NPNT: variants seen among roughly 807,000 people sequenced by gnomAD.
The protein encoded by NPNT is preosteoblast EGF-like repeat protein with MAM domain.
Under a neutral mutation model 68.6 loss-of-function variants are expected in NPNT, and 45 were observed. That is an observed-to-expected ratio of 0.66 (90% CI 0.52 to 0.84). The LOEUF is 0.84. Ranked by LOEUF, NPNT falls within the 40% of genes least tolerant of loss-of-function variation. The pLI is 0.00. For synonymous variants in NPNT, 233 were observed against 253.3 expected, an observed-to-expected ratio of 0.92 and a Z score of 0.76; for missense variants, 672 against 714.8, an observed-to-expected ratio of 0.94 and a Z score of 0.68.
At chr4:105,959,523 C>CTTT (rs1014448942) in intron 10 of NPNT, among the ~76,000 whole-genome samples, 1 of 129,620 alleles carries the variant, frequency 7.7e-6, no homozygotes, top group African/African-American at 2.8e-5. Flanking sequence ...TTTTTCTTTT[C>CTTT]TTTTTTTTTT....
chr4:105,918,629 A>G (rs997030613), intron 2 of NPNT, among the ~76,000 whole-genome samples: 1 of 152,072 alleles, frequency 6.6e-6, no homozygotes, highest in Non-Finnish European at 1.5e-5. Flanking sequence ...TGTCCTTAAC[A>G]TGCATCTGTT....
intron 5 of NPNT, among the ~76,000 whole-genome samples, chr4:105,939,556 G>A (rs1240108219): frequency 6.6e-5 from 10 of 152,190 alleles, no homozygotes; most frequent in African/African-American, 2.4e-4. Context: ...TGATTTGATT[G>A]TATGTTTTAA....
chr4:105,908,586 C>T (rs113235869), intron 2 of NPNT, among the ~76,000 whole-genome samples: 5,076 of 149,880 alleles, frequency 0.034, 246 homozygotes, highest in African/African-American at 0.11. Context: ...TTTTTTGAGA[C>T]GGAGTCTTCC....
At chr4:105,957,787 C>T (rs1731357564) in intron 8 of NPNT, among the ~76,000 whole-genome samples, 1 of 152,080 alleles carries the variant, frequency 6.6e-6, no homozygotes, top group Admixed American at 6.5e-5. Context: ...TTATGCTGGG[C>T]CTTGAAGGAA....
intron 1 of NPNT, 51 bp downstream of exon 1, chr4:105,895,774 C>G (rs1342116404): frequency 6.9e-7 from 1 of 1,455,564 alleles, no homozygotes; most frequent in South Asian, 1.2e-5. Context: ...TAATTTCACA[C>G]TCACTGTCTT....
chr4:105,896,696 G>A (rs896433709), intron 1 of NPNT, among the ~76,000 whole-genome samples: 5 of 152,154 alleles, frequency 3.3e-5, no homozygotes, highest in Admixed American at 6.5e-5. Context: ...ATCTTGGAAC[G>A]AATCAATTCC....
chr4:105,955,742 T>C (rs72617746), intron 8 of NPNT, among the ~76,000 whole-genome samples: 15,067 of 152,112 alleles, frequency 0.099, 854 homozygotes, highest in Non-Finnish European at 0.13. Flanking sequence ...AACATAATAC[T>C]GCTTGAATGA....
At chr4:105,928,617 A>G (rs1173623199) in intron 3 of NPNT, among the ~76,000 whole-genome samples, 2 of 150,872 alleles carry the variant, frequency 1.3e-5, no homozygotes, top group Admixed American at 6.6e-5. Flanking sequence ...CTGTCTCAAA[A>G]AAAAAAAAAA....
At chr4:105,927,071 C>A in intron 2 of NPNT, 1 of 230,724 alleles carries the variant, frequency 4.3e-6, no homozygotes, top group Non-Finnish European at 8.5e-6. Flanking sequence ...ATAGTTTTAC[C>A]TAGTTTTATT....
At chr4:105,945,988 T>A (rs560515798) in intron 8 of NPNT, among the ~76,000 whole-genome samples, 1 of 152,352 alleles carries the variant, frequency 6.6e-6, no homozygotes, top group Non-Finnish European at 1.5e-5. Flanking sequence ...AAAGTAGTTA[T>A]CTCTAGAAAG....
chr4:105,949,058 A>T (rs1046560691), intron 8 of NPNT, among the ~76,000 whole-genome samples: 1 of 152,140 alleles, frequency 6.6e-6, no homozygotes, highest in African/African-American at 2.4e-5. Context: ...AATGAGACAG[A>T]CTTGTGCTTC....
At chr4:105,917,755 A>G (rs1560900172) in intron 2 of NPNT, among the ~76,000 whole-genome samples, 1 of 152,134 alleles carries the variant, frequency 6.6e-6, no homozygotes, top group Non-Finnish European at 1.5e-5. Flanking sequence ...ATGGCATTCC[A>G]TGTGAAAGTG....
At chr4:105,926,611 A>G (rs1426722918) in intron 2 of NPNT, among the ~76,000 whole-genome samples, 3 of 152,248 alleles carry the variant, frequency 2.0e-5, no homozygotes, top group Non-Finnish European at 2.9e-5. Flanking sequence ...ATAAATTCCA[A>G]TTAAACAGTG....
chr4:105,931,595 C>T (rs1729103757), intron 3 of NPNT, among the ~76,000 whole-genome samples: 1 of 147,170 alleles, frequency 6.8e-6, no homozygotes, highest in Admixed American at 7.1e-5. Flanking sequence ...AAGGCCGAGG[C>T]GGGCGGATCA....
At chr4:105,943,009 G>A (rs974520667) in intron 8 of NPNT, among the ~76,000 whole-genome samples, 9 of 152,214 alleles carry the variant, frequency 5.9e-5, no homozygotes, top group African/African-American at 2.2e-4. Flanking sequence ...GAACTTAACT[G>A]TATTCCATGC....
At chr4:105,913,525 T>C (rs1440555638) in intron 2 of NPNT, among the ~76,000 whole-genome samples, 1 of 152,212 alleles carries the variant, frequency 6.6e-6, no homozygotes, top group Non-Finnish European at 1.5e-5. Context: ...AATCTAACTT[T>C]GCAAGATTCT....
chr4:105,908,613 G>C (rs984345885), intron 2 of NPNT, among the ~76,000 whole-genome samples: 10 of 151,820 alleles, frequency 6.6e-5, no homozygotes, highest in East Asian at 3.9e-4. Context: ...ACCCAGGCTG[G>C]AGTGTAGTGG....
chr4:105,966,951 T>C lies in NPNT; in HGVS notation c.1346-237T>C, dbSNP rs113566759. Among the ~76,000 whole-genome samples the C allele has an allele frequency of 2.8e-3, 428 of 152,296 alleles. 2 individuals are homozygous for C. Among genetic ancestry groups the C allele is most frequent in the African/African-American group, 0.01 (417 of 41,562 alleles). ...ATTCATAGTGTTTGGTTACTAATTA[T>C]TGTGTGTCTCTGGCATTACTTGTAC... On this transcript the variant is annotated intron_variant, in intron 10 of 11. Transcript: ENST00000379987.
Position 105,904,892 on chromosome 4 carries a change from C to T in NPNT, c.172+6891C>T, listed in dbSNP as rs139090296. 6.6e-5 allele frequency among the ~76,000 whole-genome samples: 10 copies of T among 152,086 alleles called. No individual in the cohort carries two copies. The East Asian group carries it at 1.5e-3, about 24-fold the overall frequency. ...GGAGTTGATATCCAGAGACAAGATA[C>T]AGAGATTCTGTATCTTGATTTTTAG... On this transcript the variant is annotated intron_variant, in intron 2 of 11. Coordinates refer to ENST00000379987, the MANE Select transcript of NPNT (RefSeq NM_001033047.3).
Sources: gnomAD v4.1 joint callset for allele counts (sites outside exome capture counted in the v4.1 genomes callset) on GRCh38, gnomAD v4.1.1 for gene constraint, MANE v1.5 for transcripts, NCBI Gene and HGNC (gene_info 2026-07-23, HGNC 2026-07-21) for gene names.